The following C1QTNF3 variants were observed in gnomAD, a reference collection of about 807,000 sequenced individuals.
C1QTNF3 encodes C1q and TNF related 3, also known as complement C1q tumor necrosis factor-related protein 3.
In C1QTNF3, 26 loss-of-function variants were observed where a neutral mutation model predicts 32.6. The ratio of observed to expected loss-of-function variants is 0.80; its 90% confidence interval spans 0.58 to 1.11. The LOEUF is 1.11. Among genes scored for constraint, C1QTNF3 ranks in the 50% least tolerant of loss-of-function variants. C1QTNF3 has a pLI of 0.00. For missense variants in C1QTNF3, 362 were observed against 398.2 expected (o/e 0.91, Z 0.77); for synonymous variants, 155 against 146.0 (o/e 1.06, Z -0.44).
chr5:34,176,538 C>G, the C1QTNF3 span, among the ~76,000 whole-genome samples: 74,232 of 151,906 alleles, frequency 0.49, 20,408 homozygotes, highest in Non-Finnish European at 0.61. Flanking sequence ...TCTTACTTTT[C>G]CGTCTCTATC....
At chr5:34,224,988 C>T in the C1QTNF3 span, among the ~76,000 whole-genome samples, 8 of 151,978 alleles carry the variant, frequency 5.3e-5, no homozygotes, top group African/African-American at 1.4e-4. Context: ...AAAAAGTGGG[C>T]GAAGGACATG....
At chr5:34,038,219 G>A (rs903503353) in intron 1 of C1QTNF3, among the ~76,000 whole-genome samples, 6 of 152,174 alleles carry the variant, frequency 3.9e-5, no homozygotes, top group Admixed American at 6.5e-5. Context: ...GTGCTTCAGC[G>A]TGTTGAGTGC....
the C1QTNF3 span, among the ~76,000 whole-genome samples, chr5:34,083,597 T>A: frequency 6.6e-6 from 1 of 151,608 alleles, no homozygotes; most frequent in Non-Finnish European, 1.5e-5. Context: ...CAGATTTATG[T>A]ATAAATAGAT....
At chr5:34,168,950 T>G in the C1QTNF3 span, 1 of 152,188 alleles carries the variant, frequency 6.6e-6, no homozygotes, top group African/African-American at 2.4e-5. Context: ...GATTATGTCA[T>G]GATGGTGGCA....
At chr5:34,052,335 T>C in the C1QTNF3 span, among the ~76,000 whole-genome samples, 1 of 152,212 alleles carries the variant, frequency 6.6e-6, no homozygotes, top group Admixed American at 6.5e-5. Context: ...AATTTATATT[T>C]ATCTATTGTA....
At chr5:34,168,204 C>T in the C1QTNF3 span, 3 of 152,048 alleles carry the variant, frequency 2.0e-5, no homozygotes, top group Admixed American at 6.6e-5. Context: ...TAAGCATTCA[C>T]AATTTGGATT....
At chr5:34,029,323 A>G (rs1754554999) in intron 3 of C1QTNF3, among the ~76,000 whole-genome samples, 1 of 150,058 alleles carries the variant, frequency 6.7e-6, no homozygotes, top group Non-Finnish European at 1.5e-5. Flanking sequence ...TTTTCTTTAT[A>G]GAGACGAGGT....
intron 3 of C1QTNF3, chr5:34,033,062 C>T: frequency 2.3e-6 from 1 of 437,168 alleles, no homozygotes; most frequent in Non-Finnish European, 4.0e-6. Context: ...GGATTTGGTT[C>T]TATGAGGGAC....
chr5:34,063,308 CA>C, the C1QTNF3 span, among the ~76,000 whole-genome samples: 1 of 140,262 alleles, frequency 7.1e-6, no homozygotes, highest in African/African-American at 3.2e-5. Flanking sequence ...CTCTCTCTCT[CA>C]CTTCTCTCTC....
the C1QTNF3 span, among the ~76,000 whole-genome samples, chr5:34,240,846 G>A: frequency 1.3e-5 from 2 of 152,084 alleles, no homozygotes; most frequent in East Asian, 1.9e-4. Flanking sequence ...CACTGTTGAC[G>A]AACATAGACT....
At chr5:34,238,752 TA>T in the C1QTNF3 span, among the ~76,000 whole-genome samples, 3,216 of 152,144 alleles carry the variant, frequency 0.021, 49 homozygotes, top group Non-Finnish European at 0.034. Flanking sequence ...CTAACCTCGC[TA>T]GAGAGAGTGA....
the C1QTNF3 span, among the ~76,000 whole-genome samples, chr5:34,084,787 TG>T: frequency 1.8e-4 from 18 of 99,574 alleles, no homozygotes; most frequent in South Asian, 3.3e-4. Context: ...CTGGTTTTTC[TG>T]GTTTTTTTTT....
intron 4 of C1QTNF3, 103 bp from the exon 5 acceptor site, chr5:34,024,111 G>T (rs557925427): frequency 3.8e-5 from 31 of 807,048 alleles, no homozygotes; most frequent in Non-Finnish European, 5.7e-5. Context: ...GTCTTTTATT[G>T]ATATTCTTTG....
At chr5:34,059,846 A>G in the C1QTNF3 span, among the ~76,000 whole-genome samples, 6 of 152,152 alleles carry the variant, frequency 3.9e-5, no homozygotes, top group Non-Finnish European at 7.4e-5. Flanking sequence ...TATGACCTGT[A>G]AAGATCCTGG....
the C1QTNF3 span, among the ~76,000 whole-genome samples, chr5:34,130,700 T>C: frequency 6.6e-6 from 1 of 152,250 alleles, no homozygotes; most frequent in Non-Finnish European, 1.5e-5. Context: ...AGTGCACAAC[T>C]AGAGGCCCTG....
In C1QTNF3 at chr5:34,024,001, A is replaced by G; in HGVS notation, c.708T>C (p.Tyr236=). Residue 236 remains tyrosine (Y), a synonymous_variant, in exon 5 of 6, where the codon TAT becomes TAC. Coordinates refer to ENST00000382065, the MANE Select transcript of C1QTNF3 (RefSeq NM_181435.6). The part of the protein sequence containing the change: ...GRFGAPVSGV[Y]FFTFSMMKHE... The stretch of plus-strand genomic sequence containing the variant: ...GCTTCATCATGCTGAAGGTGAAGAA[A>G]TACACACCTGAAAAAAGCAGGTATA... 6.2e-7 allele frequency: 1 copy of G among 1,613,868 alleles called. No homozygotes were observed. The highest frequency in any genetic ancestry group is 8.5e-7 in the Non-Finnish European group (1 of 1,179,788).
At chr5:34,234,432 T>C in the C1QTNF3 span, among the ~76,000 whole-genome samples, 1 of 152,172 alleles carries the variant, frequency 6.6e-6, no homozygotes, top group African/African-American at 2.4e-5. Flanking sequence ...TCTTTATATA[T>C]GAAAAATTCA....
chr5:34,138,855 C>T, the C1QTNF3 span, among the ~76,000 whole-genome samples: 1 of 152,066 alleles, frequency 6.6e-6, no homozygotes, highest in African/African-American at 2.4e-5. Context: ...TTGTTTTAAG[C>T]ATCACAACAC....
the C1QTNF3 span, among the ~76,000 whole-genome samples, chr5:34,188,746 T>C: frequency 3.0e-3 from 460 of 151,798 alleles, no homozygotes; most frequent in African/African-American, 0.011. Context: ...AGATGAGACT[T>C]TGGACTATGG....
Sources: gnomAD v4.1 joint callset for allele counts (sites outside exome capture counted in the v4.1 genomes callset) on GRCh38, gnomAD v4.1.1 for gene constraint, MANE v1.5 for transcripts, NCBI Gene and HGNC (gene_info 2026-07-23, HGNC 2026-07-21) for gene names.